The following ASTN1 variants were observed in gnomAD, a reference collection of about 807,000 sequenced individuals.
ASTN1 encodes the protein astrotactin 1.
ASTN1 carries 41 observed loss-of-function variants against 140.7 expected under a neutral mutation model. The observed-to-expected ratio is 0.29, with a 90% CI of 0.23 to 0.38. The LOEUF (loss-of-function observed/expected upper bound fraction) is 0.38, where lower values mean the gene tolerates loss of function less well. Among genes scored for constraint, ASTN1 ranks in the 10% least tolerant of loss-of-function variants. ASTN1 has a pLI of 1.00. For synonymous variants in ASTN1, 640 were observed against 652.2 expected, an observed-to-expected ratio of 0.98 and a Z score of 0.29; for missense variants, 1,479 against 1,678.8, an observed-to-expected ratio of 0.88 and a Z score of 2.08.
At chr1:177,021,120 C>T (rs764987820) in intron 7 of ASTN1, among the ~76,000 whole-genome samples, 50 of 152,240 alleles carry the variant, frequency 3.3e-4, no homozygotes, top group Non-Finnish European at 6.0e-4. Flanking sequence ...GACCACATCA[C>T]CAATGCTTTC....
chr1:176,859,709 G>T (rs547945700), downstream of ASTN1, among the ~76,000 whole-genome samples: 8 of 152,260 alleles, frequency 5.3e-5, no homozygotes, highest in East Asian at 1.6e-3. Context: ...ACTTGAACCT[G>T]GGAGGTGGAG....
chr1:176,986,355 C>G (rs764802688), intron 8 of ASTN1, among the ~76,000 whole-genome samples: 3 of 152,030 alleles, frequency 2.0e-5, no homozygotes, highest in Non-Finnish European at 4.4e-5. Context: ...CTTGAGCATC[C>G]AAAATACAGG....
intron 1 of ASTN1, among the ~76,000 whole-genome samples, chr1:177,079,815 A>G (rs1162565599): frequency 6.6e-6 from 1 of 152,176 alleles, no homozygotes; most frequent in East Asian, 1.9e-4. Flanking sequence ...ATTTTGCACA[A>G]GGTTATACAG....
intron 20 of ASTN1, among the ~76,000 whole-genome samples, chr1:176,879,737 C>T (rs1218717169): frequency 1.3e-5 from 2 of 152,182 alleles, no homozygotes; most frequent in Admixed American, 1.3e-4. Flanking sequence ...CCAGCTCTTT[C>T]CACTTTTAGT....
At chr1:177,054,849 A>G (rs1322731234) in intron 2 of ASTN1, among the ~76,000 whole-genome samples, 2 of 152,224 alleles carry the variant, frequency 1.3e-5, no homozygotes, top group Admixed American at 6.5e-5. Flanking sequence ...AATTCATAGC[A>G]AGAGGAGCAA....
intron 1 of ASTN1, among the ~76,000 whole-genome samples, chr1:177,065,239 T>C (rs1391541353): frequency 6.6e-6 from 1 of 152,142 alleles, no homozygotes; most frequent in Non-Finnish European, 1.5e-5. Context: ...GACTGAGACA[T>C]CAAGAAAGGG....
chr1:177,061,398 G>C, intron 1 of ASTN1, 133 bp from the exon 2 acceptor site: 1 of 794,996 alleles, frequency 1.3e-6, no homozygotes, highest in Non-Finnish European at 1.8e-6. Context: ...GTATAGTTAG[G>C]TCAGATTTTA....
Position 177,057,327 on chromosome 1 carries a change from C to G in ASTN1, c.471+3751G>C, listed in dbSNP as rs976534988. On this transcript the variant is annotated intron_variant, in intron 2 of 22. Coordinates refer to ENST00000361833, the MANE Select transcript of ASTN1 (RefSeq NM_004319.3). ...ATACTGGGCATGGTATAAAAGAGAA[C>G]TTGCAAATTCTCATTCATACAATGC... 3.3e-5 allele frequency among the ~76,000 whole-genome samples: 5 copies of G among 152,338 alleles called. No individual in the cohort carries two copies. In the South Asian group the frequency reaches 8.3e-4, roughly 25 times the overall value.
intron 1 of ASTN1, among the ~76,000 whole-genome samples, chr1:177,117,247 A>G (rs991628727): frequency 1.3e-5 from 2 of 152,062 alleles, no homozygotes; most frequent in African/African-American, 2.4e-5. Flanking sequence ...AGCTTTCCTC[A>G]GTCCTCCCAT....
At chr1:177,105,996 T>C (rs1476573633) in intron 1 of ASTN1, among the ~76,000 whole-genome samples, 1 of 152,120 alleles carries the variant, frequency 6.6e-6, no homozygotes, top group East Asian at 1.9e-4. Context: ...ACCCCATCTC[T>C]TAAAAACAAA....
chr1:176,907,688 G>A (rs1357038218), intron 16 of ASTN1, among the ~76,000 whole-genome samples: 1 of 152,120 alleles, frequency 6.6e-6, no homozygotes, highest in African/African-American at 2.4e-5. Flanking sequence ...AGAGAAGAAG[G>A]CAACACCCCT....
At chr1:176,945,470 TA>T (rs1238987704) in intron 13 of ASTN1, among the ~76,000 whole-genome samples, 2 of 152,210 alleles carry the variant, frequency 1.3e-5, no homozygotes, top group Non-Finnish European at 2.9e-5. Flanking sequence ...CAATTTATGG[TA>T]ATATCTTGTT....
chr1:177,082,805 A>G (rs1163512637), intron 1 of ASTN1, among the ~76,000 whole-genome samples: 1 of 152,140 alleles, frequency 6.6e-6, no homozygotes, highest in Admixed American at 6.5e-5. Context: ...TGCCTAAGGT[A>G]TTGGTAGCTC....
At chr1:176,934,077 T>C in intron 16 of ASTN1, 75 bp downstream of exon 16, 1 of 1,392,538 alleles carries the variant, frequency 7.2e-7, no homozygotes, top group Non-Finnish European at 9.7e-7. Flanking sequence ...CTCCTTAAAA[T>C]GGGTCTTATA....
rs139211462 is a variant in ASTN1 at position 176,926,602 on chromosome 1, C to T, written c.2671+7550G>A. On this transcript the variant is annotated intron_variant, in intron 16 of 22. Transcript: ENST00000361833. ...GGCTTTGCATGTAACAGGCCCTCAG[C>T]GAACATTTGTTGAATGAATGAATGA... Among the ~76,000 whole-genome samples, 32 of 152,242 alleles carry T rather than the reference C, an allele frequency of 2.1e-4. 1 individual carries two copies. The highest frequency in any genetic ancestry group is 6.5e-4 in the African/African-American group (27 of 41,546).
At chr1:177,055,040 C>CT in intron 2 of ASTN1, among the ~76,000 whole-genome samples, 1 of 152,278 alleles carries the variant, frequency 6.6e-6, no homozygotes, top group South Asian at 2.1e-4. Context: ...CAGTACAACT[C>CT]TATTACAGAG....
At chr1:176,917,046 C>T (rs1367738963) in intron 16 of ASTN1, among the ~76,000 whole-genome samples, 1 of 152,178 alleles carries the variant, frequency 6.6e-6, no homozygotes, top group Non-Finnish European at 1.5e-5. Context: ...GAGGTTCCCT[C>T]ACCCTCCTTC....
chr1:176,918,263 G>A (rs943069192), intron 16 of ASTN1, among the ~76,000 whole-genome samples: 1 of 152,094 alleles, frequency 6.6e-6, no homozygotes, highest in African/African-American at 2.4e-5. Flanking sequence ...TCCTCCTTAG[G>A]TAAGCTCATC....
At chr1:176,993,805 T>C (rs1674302537) in intron 8 of ASTN1, among the ~76,000 whole-genome samples, 1 of 152,218 alleles carries the variant, frequency 6.6e-6, no homozygotes, top group African/African-American at 2.4e-5. Flanking sequence ...TCCCAACTCA[T>C]TCATTCATTC....
Sources: gnomAD v4.1 joint callset for allele counts (sites outside exome capture counted in the v4.1 genomes callset) on GRCh38, gnomAD v4.1.1 for gene constraint, MANE v1.5 for transcripts, NCBI Gene and HGNC (gene_info 2026-07-23, HGNC 2026-07-21) for gene names.